Variants in KIFAP3 observed in about 807,000 individuals in gnomAD.
The protein encoded by KIFAP3 is kinesin-associated protein 3.
A neutral mutation model predicts 106.5 loss-of-function variants in KIFAP3; 68 were observed. The ratio of observed to expected loss-of-function variants is 0.64; its 90% CI spans 0.53 to 0.78. The LOEUF (loss-of-function observed/expected upper bound fraction) is 0.78, where lower values mean the gene tolerates loss of function less well. Ranked by LOEUF, KIFAP3 falls within the 30% of genes least tolerant of loss-of-function variation. The pLI is 0.00. For synonymous variants in KIFAP3, 320 were observed against 311.5 expected (o/e 1.03, Z -0.29); for missense variants, 780 against 941.8 (o/e 0.83, Z 2.25).
chr1:169,932,362 A>G (rs536313149), intron 19 of KIFAP3, among the ~76,000 whole-genome samples: 54 of 152,318 alleles, frequency 3.5e-4, no homozygotes, highest in African/African-American at 1.1e-3. Context: ...ATAATTCAAA[A>G]GTTAATACTA....
At chr1:170,041,183 T>C (rs1033718496) in intron 3 of KIFAP3, among the ~76,000 whole-genome samples, 4 of 152,202 alleles carry the variant, frequency 2.6e-5, no homozygotes, top group Non-Finnish European at 4.4e-5. Flanking sequence ...ATTTTGATCA[T>C]CTATGTTAGA....
intron 17 of KIFAP3, among the ~76,000 whole-genome samples, chr1:169,962,373 T>G (rs1665385346): frequency 6.6e-6 from 1 of 152,186 alleles, no homozygotes; most frequent in Admixed American, 6.6e-5. Context: ...ATCTACTACT[T>G]GTCCCATAGG....
At chr1:170,052,136 A>G (rs1388357613) in intron 2 of KIFAP3, among the ~76,000 whole-genome samples, 1 of 152,204 alleles carries the variant, frequency 6.6e-6, no homozygotes, top group Non-Finnish European at 1.5e-5. Flanking sequence ...TGACACAATA[A>G]AATATAATAA....
intron 10 of KIFAP3, among the ~76,000 whole-genome samples, chr1:169,996,094 C>T (rs938945074): frequency 6.6e-6 from 1 of 152,010 alleles, no homozygotes; most frequent in Non-Finnish European, 1.5e-5. Flanking sequence ...TGAAACTAAA[C>T]GTCTAATTTC....
At chr1:169,999,162 T>C (rs1220097999) in intron 10 of KIFAP3, among the ~76,000 whole-genome samples, 1 of 152,168 alleles carries the variant, frequency 6.6e-6, no homozygotes, top group Non-Finnish European at 1.5e-5. Flanking sequence ...AATAGTCTTC[T>C]TCATTCACTG....
At chr1:170,023,089 T>C (rs528461795) in intron 9 of KIFAP3, among the ~76,000 whole-genome samples, 1 of 152,230 alleles carries the variant, frequency 6.6e-6, no homozygotes, top group Admixed American at 6.5e-5. Flanking sequence ...CATCTTATCA[T>C]ATTCTTCTTA....
chr1:170,002,847 T>A (rs951546879), intron 10 of KIFAP3, among the ~76,000 whole-genome samples: 4 of 152,172 alleles, frequency 2.6e-5, no homozygotes, highest in Non-Finnish European at 5.9e-5. Flanking sequence ...CACTACTAAT[T>A]CCTCAGTTTT....
chr1:170,081,564 C>T (rs986726850), intron 1 of KIFAP3, among the ~76,000 whole-genome samples: 3 of 152,180 alleles, frequency 2.0e-5, no homozygotes, highest in African/African-American at 4.8e-5. Context: ...AGGCCATCCA[C>T]ACTCCTTCAC....
In KIFAP3 at chr1:170,055,422, C is replaced by T; in HGVS notation, c.47G>A (p.Gly16Glu). 1 of 1,586,382 alleles carries T rather than the reference C, an allele frequency of 6.3e-7. No individual in the cohort carries two copies. The highest frequency in any genetic ancestry group is 2.3e-5 in the East Asian group (1 of 43,710). Reference protein sequence around the residue: ...ARYLKRKVKGGNIDVHPSEKA... With the variant: ...ARYLKRKVKGENIDVHPSEKA... Reference sequence around the variant, plus strand: ...TTCTGATGGATGTACATCTATATTCCCTCCTTTAACTTTCCTATAATACAA... The same window carrying T: ...TTCTGATGGATGTACATCTATATTCTCTCCTTTAACTTTCCTATAATACAA... The change falls in exon 2 of 20, where the codon GGG becomes GAG. Residue 16 changes from glycine (G) to glutamate (E), a missense_variant. Around this residue, in one of 3 missense-constraint regions of KIFAP3, gnomAD observed 588 missense variants for 678.9 expected, o/e 0.87. Coordinates refer to ENST00000361580, the MANE Select transcript of KIFAP3 (RefSeq NM_014970.4).
chr1:170,041,947 TGG>T, intron 3 of KIFAP3: 1 of 1,056,836 alleles, frequency 9.5e-7, no homozygotes, highest in Non-Finnish European at 1.3e-6. Flanking sequence ...TTATGAAACC[TGG>T]TTTTAGAGTT....
chr1:170,053,640 A>C (rs1670690248), intron 2 of KIFAP3, among the ~76,000 whole-genome samples: 1 of 152,206 alleles, frequency 6.6e-6, no homozygotes, highest in East Asian at 1.9e-4. Flanking sequence ...TGGTATCAAA[A>C]CAGGGATAAA....
intron 19 of KIFAP3, among the ~76,000 whole-genome samples, chr1:169,935,267 T>C (rs1663726998): frequency 6.6e-6 from 1 of 152,036 alleles, no homozygotes. Flanking sequence ...AAGCTACAGT[T>C]GCATTTTAAA....
chr1:170,030,302 C>T (rs998160041), intron 8 of KIFAP3, among the ~76,000 whole-genome samples: 1 of 151,848 alleles, frequency 6.6e-6, no homozygotes, highest in East Asian at 1.9e-4. Context: ...AAAGAGATGG[C>T]AGATAAGCAC....
intron 8 of KIFAP3, among the ~76,000 whole-genome samples, chr1:170,024,958 AAAAT>A (rs1669032874): frequency 6.6e-6 from 1 of 152,132 alleles, no homozygotes; most frequent in Non-Finnish European, 1.5e-5. Context: ...CAGACAGAGG[AAAAT>A]AGTTTTTACA....
At chr1:170,039,081 A>G in intron 4 of KIFAP3, 152 bp downstream of exon 4, 1 of 453,042 alleles carries the variant, frequency 2.2e-6, no homozygotes, top group South Asian at 6.5e-5. Flanking sequence ...TTTTCAATTA[A>G]ATAATGATTT....
chr1:169,994,183 T>A (rs1037545781), intron 10 of KIFAP3, among the ~76,000 whole-genome samples: 2 of 152,220 alleles, frequency 1.3e-5, no homozygotes, highest in African/African-American at 4.8e-5. Context: ...ATGTTTCAGA[T>A]GAGAAATCTA....
chr1:169,923,178 AT>A (rs2101759166), intron 19 of KIFAP3: 1 of 582,040 alleles, frequency 1.7e-6, no homozygotes, highest in East Asian at 1.4e-4. Flanking sequence ...GTCCTTCTAT[AT>A]AAAAACTCTG....
rs1388894420 is a variant in KIFAP3 at position 169,984,561 on chromosome 1, C to T, written c.1393+21G>A. The T allele has an allele frequency of 4.0e-6, 5 of 1,264,260 alleles. No individual in the cohort carries two copies. The African/African-American group carries it at 4.5e-5, about 11-fold the overall frequency. The allele number at this position is 1,264,260 out of a possible 1,614,324, so 78.3% of individuals were successfully genotyped here. On this transcript the variant is annotated intron_variant, in intron 12 of 19. Coordinates refer to ENST00000361580, the MANE Select transcript of KIFAP3 (RefSeq NM_014970.4). ...CAAATACCATATGCTAAAAAAGTTA[C>T]CTACACTCAAAGGCACTGACCTTCA...
At chr1:169,973,494 A>C (rs1666053922) in intron 16 of KIFAP3, among the ~76,000 whole-genome samples, 1 of 150,922 alleles carries the variant, frequency 6.6e-6, no homozygotes, top group Non-Finnish European at 1.5e-5. Flanking sequence ...ATGGAGGATG[A>C]TATACCAAGT....
Sources: allele counts gnomAD v4.1 joint callset (sites outside exome capture counted in the v4.1 genomes callset), GRCh38; gene constraint gnomAD v4.1.1; regional missense constraint gnomAD v4.1.1; transcripts MANE v1.5; gene names NCBI Gene and HGNC (gene_info 2026-07-23, HGNC 2026-07-21).